KCTD1: variants seen among roughly 807,000 people sequenced by gnomAD.
The protein encoded by KCTD1 is potassium channel tetramerization domain containing 1.
KCTD1 carries 24 observed loss-of-function variants against 66.0 expected under a neutral mutation model. That is an observed-to-expected ratio of 0.36 (90% CI 0.26 to 0.51). The LOEUF (loss-of-function observed/expected upper bound fraction) is 0.51, where lower values mean the gene tolerates loss of function less well. KCTD1 is among the 20% of genes least tolerant of loss of function. The pLI is 0.95. For missense variants in KCTD1, 943 were observed against 1,205.2 expected, an observed-to-expected ratio of 0.78 and a Z score of 3.22; for synonymous variants, 511 against 517.2, an observed-to-expected ratio of 0.99 and a Z score of 0.16.
At chr18:26,526,431 G>T (rs1389103034) in intron 1 of KCTD1, among the ~76,000 whole-genome samples, 1 of 152,168 alleles carries the variant, frequency 6.6e-6, no homozygotes, top group Non-Finnish European at 1.5e-5. Flanking sequence ...GATTATTTGG[G>T]GTGGCACGCG....
chr18:26,584,682 C>T (rs1986433161), intron 1 of KCTD1, among the ~76,000 whole-genome samples: 1 of 152,124 alleles, frequency 6.6e-6, no homozygotes, highest in Admixed American at 6.5e-5. Flanking sequence ...AGTGCTGAGA[C>T]AGGTATTCAC....
Position 26,548,131 on chromosome 18 carries a change from G to A in KCTD1, c.406C>T (p.Pro136Ser). The A allele has an allele frequency of 7.6e-7, 1 of 1,319,190 alleles. No individual in the cohort carries two copies. The highest frequency in any genetic ancestry group is 9.6e-7 in the Non-Finnish European group (1 of 1,043,108). 81.7% of individuals were successfully genotyped at this position (1,319,190 alleles called of 1,614,324 possible). ...DQSAALEPEA[P>S]PRLLAPRARG... The stretch of plus-strand genomic sequence containing the variant: ...GCCCGGGGCGCCAGCAGTCGCGGCG[G>A]CGCCTCGGGCTCCAGCGCGGCGCTC... The change falls in exon 1 of 5, where the codon CCG (proline) becomes TCG (serine). Residue 136 changes from proline to serine, a missense_variant. This residue lies in a region of KCTD1 where 236 missense variants were observed against 206.6 expected (regional missense o/e 1.14). Coordinates refer to ENST00000580059, the MANE Select transcript of KCTD1 (RefSeq NM_001142730.3).
At chr18:26,579,484 G>A (rs1051552316) in intron 1 of KCTD1, among the ~76,000 whole-genome samples, 5 of 152,154 alleles carry the variant, frequency 3.3e-5, no homozygotes, top group Non-Finnish European at 5.9e-5. Context: ...CATCTGGTGA[G>A]TTCCACCTGA....
intron 1 of KCTD1, among the ~76,000 whole-genome samples, chr18:26,529,744 T>C (rs1020901308): frequency 2.0e-5 from 3 of 152,210 alleles, no homozygotes; most frequent in Non-Finnish European, 2.9e-5. Context: ...TTCCAAATGA[T>C]ATTAAATAAC....
rs571957643 is a variant in KCTD1 at position 26,513,090 on chromosome 18, A to ATTT, written c.1810-11843_1810-11841dup. Among the ~76,000 whole-genome samples, 864 of 140,252 alleles carry ATTT rather than the reference A, an allele frequency of 6.2e-3. 6 individuals are homozygous for ATTT. Among genetic ancestry groups the ATTT allele is most frequent in the Non-Finnish European group, 7.1e-3 (460 of 64,982 alleles). The allele number at this position is 140,252 out of a possible 152,430, so 92.0% of individuals were successfully genotyped here. ...TCTGGGTTTTATAAATCCAGGGTGTATTTTTTTTTTTTTTTGAGACGTAGT... is the reference window on the plus strand; with the variant it reads ...TCTGGGTTTTATAAATCCAGGGTGTATTTTTTTTTTTTTTTTTTGAGACGTAGT... On this transcript the variant is annotated intron_variant, in intron 1 of 4. Transcript: ENST00000580059.
At chr18:26,521,712 A>C (rs1983919463) in intron 1 of KCTD1, among the ~76,000 whole-genome samples, 1 of 152,230 alleles carries the variant, frequency 6.6e-6, no homozygotes, top group African/African-American at 2.4e-5. Flanking sequence ...GGTCAGCACA[A>C]AAATATAGGC....
Position 26,507,934 on chromosome 18 carries a change from C to T in KCTD1, c.1810-6684G>A, listed in dbSNP as rs373074627. Among the ~76,000 whole-genome samples the T allele has an allele frequency of 1.4e-4, 21 of 152,020 alleles. No individual in the cohort carries two copies. The East Asian group carries it at 2.3e-3, about 17-fold the overall frequency. ...GAGTGGTGACACAGTTGTATACATA[C>T]GCACATGGAAGATTCATTCACTTTA... On this transcript the variant is annotated intron_variant, in intron 1 of 4. Coordinates refer to ENST00000580059, the MANE Select transcript of KCTD1 (RefSeq NM_001142730.3).
At chr18:26,636,812 A>G (rs1279552258) in intron 1 of KCTD1, among the ~76,000 whole-genome samples, 3 of 152,206 alleles carry the variant, frequency 2.0e-5, no homozygotes, top group Admixed American at 1.3e-4. Flanking sequence ...ATGGGCCCCC[A>G]CTAAAGTTAT....
chr18:26,527,585 T>C (rs569284999), intron 1 of KCTD1, among the ~76,000 whole-genome samples: 2 of 151,804 alleles, frequency 1.3e-5, no homozygotes, highest in East Asian at 3.9e-4. Context: ...GGCAGAGACA[T>C]GTCACTATAC....
At chr18:26,469,062 T>G (rs1324737074) in intron 3 of KCTD1, among the ~76,000 whole-genome samples, 1 of 151,926 alleles carries the variant, frequency 6.6e-6, no homozygotes, top group Non-Finnish European at 1.5e-5. Context: ...CTGCTGCCCC[T>G]CCCAGGTCCC....
At position 26,468,069 on chromosome 18, in the gene KCTD1, G is replaced by A. The variant is rs983354015; in HGVS notation, c.2134-8144C>T. ...GTGGTTCTCCATAAAAAATGGGGCCGAAGCTCTAGACTCTTGGTGTGCTGA... is the reference window on the plus strand; with the variant it reads ...GTGGTTCTCCATAAAAAATGGGGCCAAAGCTCTAGACTCTTGGTGTGCTGA... On this transcript the variant is annotated intron_variant, in intron 3 of 4. Transcript: ENST00000580059. The surrounding 1 kb of genome is among the most constrained non-coding windows in gnomAD (Gnocchi z 4.8). Among the ~76,000 whole-genome samples, 2 of 152,196 alleles carry A rather than the reference G, an allele frequency of 1.3e-5. No homozygotes were observed. The highest frequency in any genetic ancestry group is 2.4e-5 in the African/African-American group (1 of 41,462).
At chr18:26,641,111 CTG>C (rs1987824749), upstream of KCTD1, among the ~76,000 whole-genome samples, 1 of 152,138 alleles carries the variant, frequency 6.6e-6, no homozygotes, top group South Asian at 2.1e-4. Context: ...GCCTGGCTTG[CTG>C]TGTGTGTATG....
At chr18:26,643,602 A>C (rs1465687188), upstream of KCTD1, among the ~76,000 whole-genome samples, 1 of 152,228 alleles carries the variant, frequency 6.6e-6, no homozygotes, top group Non-Finnish European at 1.5e-5. Context: ...GGGAAGAGTA[A>C]AGAGATCTAG....
At chr18:26,608,118 T>A (rs1285689741) in intron 1 of KCTD1, among the ~76,000 whole-genome samples, 1 of 152,236 alleles carries the variant, frequency 6.6e-6, no homozygotes, top group Non-Finnish European at 1.5e-5. Context: ...TTCAACTACA[T>A]TCACCACTAC....
intron 1 of KCTD1, among the ~76,000 whole-genome samples, chr18:26,626,064 C>T (rs1174853219): frequency 6.6e-6 from 1 of 151,740 alleles, no homozygotes. Context: ...GAGGTTTAGG[C>T]TGTAGCTAAC....
chr18:26,520,541 C>T (rs1053346919), intron 1 of KCTD1, among the ~76,000 whole-genome samples: 4 of 152,080 alleles, frequency 2.6e-5, no homozygotes, highest in Non-Finnish European at 5.9e-5. Context: ...AGGTGGATGT[C>T]GACACATGCT....
chr18:26,561,874 G>C (rs1985859331), intron 1 of KCTD1, among the ~76,000 whole-genome samples: 2 of 152,166 alleles, frequency 1.3e-5, no homozygotes, highest in Non-Finnish European at 2.9e-5. Flanking sequence ...CCGTGCTGGC[G>C]TGAGCACCTG....
chr18:26,644,084 C>T (rs926332117), upstream of KCTD1, among the ~76,000 whole-genome samples: 6 of 152,286 alleles, frequency 3.9e-5, no homozygotes, highest in African/African-American at 1.4e-4. Flanking sequence ...TTAATCCTAT[C>T]TGATTTGGTT....
At chr18:26,504,808 A>G (rs1982948469) in intron 1 of KCTD1, among the ~76,000 whole-genome samples, 1 of 152,212 alleles carries the variant, frequency 6.6e-6, no homozygotes, top group Non-Finnish European at 1.5e-5. Context: ...ATCTAACACA[A>G]TTGTGGCAAC....
Sources: allele counts gnomAD v4.1 joint callset (sites outside exome capture counted in the v4.1 genomes callset), GRCh38; gene constraint gnomAD v4.1.1; regional missense constraint gnomAD v4.1.1; non-coding constraint Gnocchi (gnomAD v3.1); transcripts MANE v1.5; gene names NCBI Gene and HGNC (gene_info 2026-07-23, HGNC 2026-07-21).